DMGDH: variants seen among roughly 807,000 people sequenced by gnomAD.
DMGDH encodes the protein dimethylglycine dehydrogenase.
A neutral mutation model predicts 95.2 loss-of-function variants in DMGDH; 76 were observed. The ratio of observed to expected loss-of-function variants is 0.80; its 90% CI spans 0.66 to 0.97. DMGDH has a LOEUF of 0.97. Ranked by LOEUF, DMGDH falls within the 50% of genes least tolerant of loss-of-function variation. The pLI is 0.00. For missense variants in DMGDH, 987 were observed against 1,055.0 expected (o/e 0.94, Z 0.89); for synonymous variants, 345 against 377.6 (o/e 0.91, Z 1.00).
intron 2 of DMGDH, among the ~76,000 whole-genome samples, chr5:79,059,313 G>A (rs1318518845): frequency 6.6e-5 from 10 of 152,294 alleles, no homozygotes; most frequent in Non-Finnish European, 1.3e-4. Context: ...TGCTTTCAAT[G>A]GTGGTATAGC....
At chr5:79,020,334 A>T (rs189602036) in intron 14 of DMGDH, among the ~76,000 whole-genome samples, 5 of 152,312 alleles carry the variant, frequency 3.3e-5, no homozygotes, top group African/African-American at 9.6e-5. Context: ...TATCACTGAA[A>T]ATTTTCTGCC....
At chr5:79,000,543 A>AT in intron 15 of DMGDH, 1 of 587,916 alleles carries the variant, frequency 1.7e-6, no homozygotes, top group Admixed American at 2.0e-5. Context: ...TTTCTCTTTG[A>AT]TTTTCACTGA....
Position 79,054,303 on chromosome 5 carries a change from G to C in DMGDH, c.421C>G (p.Pro141Ala). 1 of 1,614,028 alleles carries C rather than the reference G, an allele frequency of 6.2e-7. No homozygotes were observed. Among genetic ancestry groups the C allele is most frequent in the South Asian group, 1.1e-5 (1 of 91,078 alleles). Residue 141 changes from proline (P) to alanine (A), a missense_variant, in exon 4 of 16, where the codon CCT (proline) becomes GCT (alanine). Transcript: ENST00000255189. ...TATTTAAATTCATCTACCCTTACAG[G>C]GGTGGTAGCAAGTCTGATACTACCT... Reference protein sequence around the residue: ...QPGSIRLATTPVRVDEFKYQM... With the variant: ...QPGSIRLATTAVRVDEFKYQM...
chr5:79,001,134 CAGCTCTGCGGCT>C, intron 15 of DMGDH: 1 of 544,626 alleles, frequency 1.8e-6, no homozygotes, highest in South Asian at 3.1e-5. Flanking sequence ...GCCCTGGAAG[CAGCTCTGCGGCT>C]GCACCTAATC....
rs1028663524 is a variant in DMGDH, at chr5:79,069,525, C to A, written c.96G>T (p.Arg32=). The part of the protein sequence containing the change: ...SPGRPRSVCG[R]EGEEKPPLSA... The stretch of plus-strand genomic sequence containing the variant: ...CAGGACGGGGCCCCACTCACCCTTC[C>A]CGGCCGCAGACAGAGCGCGGGCGCC... The change falls in exon 1 of 16, where the codon CGG becomes CGT. Residue 32 remains arginine (R), a synonymous_variant. Transcript: ENST00000255189. 14 of 1,292,612 alleles carry A rather than the reference C, an allele frequency of 1.1e-5. No individual in the cohort carries two copies. The African/African-American group carries it at 2.0e-4, about 18-fold the overall frequency. 80.1% of individuals were successfully genotyped at this position (1,292,612 alleles called of 1,614,324 possible). A position where few individuals can be genotyped will look rare whatever the true frequency, so the allele number is the denominator to read the frequency against.
intron 5 of DMGDH, among the ~76,000 whole-genome samples, chr5:79,050,124 G>A: frequency 6.6e-6 from 1 of 151,012 alleles, no homozygotes. Context: ...GGGTGTGGTG[G>A]CAGGCGCCTG....
intron 1 of DMGDH, among the ~76,000 whole-genome samples, chr5:79,067,967 G>T (rs1238642189): frequency 6.6e-6 from 1 of 152,208 alleles, no homozygotes; most frequent in Non-Finnish European, 1.5e-5. Flanking sequence ...CCAGGCTGGA[G>T]TGCAGTGGTG....
At chr5:79,023,303 G>T (rs192875757) in intron 14 of DMGDH, among the ~76,000 whole-genome samples, 23 of 152,228 alleles carry the variant, frequency 1.5e-4, no homozygotes, top group Middle Eastern at 3.4e-3. Context: ...AACAGTAGCC[G>T]CTGCTGCCCT....
chr5:79,039,563 C>G (rs1480145562), intron 7 of DMGDH, among the ~76,000 whole-genome samples: 3 of 151,946 alleles, frequency 2.0e-5, no homozygotes, highest in Non-Finnish European at 2.9e-5. Flanking sequence ...GTTGTGGGGT[C>G]AGGGGAGTGG....
intron 5 of DMGDH, among the ~76,000 whole-genome samples, chr5:79,051,056 GA>G (rs1284430152): frequency 3.3e-5 from 5 of 152,046 alleles, no homozygotes; most frequent in Admixed American, 6.5e-5. Context: ...ATAAAATGCA[GA>G]ATGGAGAAAA....
At chr5:79,011,466 A>G (rs899866437) in intron 14 of DMGDH, among the ~76,000 whole-genome samples, 3 of 152,232 alleles carry the variant, frequency 2.0e-5, no homozygotes, top group African/African-American at 7.2e-5. Context: ...AAAATGTTAA[A>G]TTATTAGTTT....
chr5:79,051,329 G>C lies in DMGDH; in HGVS notation c.703C>G (p.Pro235Ala), dbSNP rs1754850375. 6.2e-7 allele frequency: 1 copy of C among 1,614,142 alleles called. No individual in the cohort carries two copies. The highest frequency in any genetic ancestry group is 1.7e-5 in the Admixed American group (1 of 60,014). The change falls in exon 5 of 16, where the codon CCA becomes GCA. Residue 235 changes from proline to alanine, a missense_variant. Transcript: ENST00000255189. ...CTATTTGCTCTCATAGACCCCTGTG[G>C]TGTTTCAACGTCCCATGTTCCATCT... The part of the protein sequence containing the change: ...RSDGTWDVET[P>A]QGSMRANRIV...
At chr5:79,022,721 G>A (rs1753898756) in intron 14 of DMGDH, among the ~76,000 whole-genome samples, 1 of 152,114 alleles carries the variant, frequency 6.6e-6, no homozygotes, top group African/African-American at 2.4e-5. Flanking sequence ...ATCCACCCCT[G>A]CTAATAATCA....
Position 79,044,457 on chromosome 5 carries a change from C to T in DMGDH, c.841G>A (p.Val281Met). 6.2e-7 allele frequency: 1 copy of T among 1,614,162 alleles called. No individual in the cohort carries two copies. Among genetic ancestry groups the T allele is most frequent in the Non-Finnish European group, 8.5e-7 (1 of 1,180,024 alleles). ...QYVVTSTISE[V>M]KALKRELPVL... is the part of the protein sequence containing the mutation. ...GGCAGTTCTCGTTTCAAAGCTTTCA[C>T]TTCAGATATAGTCGATGTAACAACA... Residue 281 changes from valine (V) to methionine (M), a missense_variant, in exon 6 of 16, where the codon GTG becomes ATG. Val to Met is a conservative substitution (Grantham distance 21, BLOSUM62 1). Transcript: ENST00000255189.
At position 79,025,074 on chromosome 5, in the gene DMGDH, A is replaced by T. The variant is rs186778352; in HGVS notation, c.2191-744T>A. Among the ~76,000 whole-genome samples the T allele has an allele frequency of 2.0e-4, 30 of 152,336 alleles. No individual in the cohort carries two copies. In the East Asian group the frequency reaches 5.4e-3, roughly 27 times the overall value. On this transcript the variant is annotated intron_variant, in intron 13 of 15. Transcript: ENST00000255189. ...CTTAATCAATTTGAGCTATTCTAAA[A>T]TTATATTTATCTGTTCAAAATTTCA...
At chr5:79,068,004 G>A (rs186060251) in intron 1 of DMGDH, among the ~76,000 whole-genome samples, 4 of 152,144 alleles carry the variant, frequency 2.6e-5, no homozygotes, top group South Asian at 2.1e-4. Flanking sequence ...TGCAGTCTCC[G>A]CCTCCCAGGT....
At position 79,044,276 on chromosome 5, in the gene DMGDH, A is replaced by G. The variant is rs1226588255; in HGVS notation, c.994+28T>C. On this transcript the variant is annotated intron_variant, in intron 6 of 15. Transcript: ENST00000255189. ...GAGGATGAACCATTCATGTCTGACTAGCACACACTTTCATTTGCTGAACCC... is the reference window on the plus strand; with the variant it reads ...GAGGATGAACCATTCATGTCTGACTGGCACACACTTTCATTTGCTGAACCC... 6.2e-6 allele frequency: 10 copies of G among 1,614,052 alleles called. No homozygotes were observed. In the East Asian group the frequency reaches 1.3e-4, roughly 22 times the overall value.
intron 2 of DMGDH, among the ~76,000 whole-genome samples, chr5:79,061,900 C>A (rs927407673): frequency 2.2e-4 from 33 of 152,166 alleles, no homozygotes; most frequent in African/African-American, 6.5e-4. Context: ...CAGAGAAAGA[C>A]CCTGTCTCAA....
At chr5:79,039,573 G>C (rs1754446780) in intron 7 of DMGDH, among the ~76,000 whole-genome samples, 1 of 152,044 alleles carries the variant, frequency 6.6e-6, no homozygotes. Context: ...CAGGGGAGTG[G>C]GGAGGGATAA....
Sources: allele counts gnomAD v4.1 joint callset (sites outside exome capture counted in the v4.1 genomes callset), GRCh38; gene constraint gnomAD v4.1.1; transcripts MANE v1.5; gene names NCBI Gene and HGNC (gene_info 2026-07-23, HGNC 2026-07-21).